Variants in COL5A3 observed in about 807,000 individuals in gnomAD.
COL5A3 encodes collagen type V alpha 3 chain, also known as collagen alpha-3(V) chain.
Under a neutral mutation model 250.0 loss-of-function variants are expected in COL5A3, and 172 were observed. The observed-to-expected ratio is 0.69, with a 90% CI of 0.61 to 0.78. The LOEUF (loss-of-function observed/expected upper bound fraction) is 0.78, where lower values mean the gene tolerates loss of function less well. COL5A3 is among the 30% of genes least tolerant of loss of function. COL5A3 has a pLI of 0.00. For missense variants in COL5A3, 2,340 were observed against 2,334.4 expected (o/e 1.00, Z -0.05); for synonymous variants, 937 against 900.4 (o/e 1.04, Z -0.73).
chr19:9,986,156 A>G lies in COL5A3; in HGVS notation c.2352+159T>C, dbSNP rs371978541. 2.6e-5 allele frequency among the ~76,000 whole-genome samples: 4 copies of G among 152,346 alleles called. 1 individual carries two copies. ...TTATGGATATGAACACATAAGTTGC[A>G]TGCATTAAATTGCTCTGTAATGCTG... On this transcript the variant is annotated intron_variant, in intron 30 of 66. Transcript: ENST00000264828.
chr19:9,964,854 TAAAAAAAAAAAAAAAAAAA>T (rs57037583), intron 64 of COL5A3, among the ~76,000 whole-genome samples: 1,344 of 48,838 alleles, frequency 0.028, 13 homozygotes, highest in East Asian at 0.091. Flanking sequence ...CCATCTCTAC[TAAAAAAAAAAAAAAAAAAA>T]AAAAAAAAAA....
intron 31 of COL5A3, among the ~76,000 whole-genome samples, chr19:9,983,458 A>G (rs942948406): frequency 2.0e-5 from 3 of 151,588 alleles, no homozygotes; most frequent in Non-Finnish European, 4.4e-5. Context: ...TGATCGCACT[A>G]TTGCACTCCA....
Position 9,967,383 on chromosome 19 carries a change from A to T in COL5A3, c.4422T>A (p.Arg1474=). The stretch of plus-strand genomic sequence containing the variant: ...GTGGGCCTGCAGGTCCAGTGTCTCC[A>T]CGGGGGCCCATGGACCCCTGTAGGG... The part of the protein sequence containing the change: ...SKGSPGSMGP[R]GDTGPAGPPG... Residue 1474 remains arginine (R), a synonymous_variant, in exon 62 of 67, where the codon CGT becomes CGA. Coordinates refer to ENST00000264828, the MANE Select transcript of COL5A3 (RefSeq NM_015719.4). 2 of 1,479,858 alleles carry T rather than the reference A, an allele frequency of 1.4e-6. No individual in the cohort carries two copies. The highest frequency in any genetic ancestry group is 1.7e-4 in the Middle Eastern group (1 of 5,752). 91.7% of individuals were successfully genotyped at this position (1,479,858 alleles called of 1,614,324 possible).
intron 44 of COL5A3, among the ~76,000 whole-genome samples, chr19:9,976,853 C>G (rs1053104365): frequency 2.0e-5 from 3 of 151,974 alleles, no homozygotes; most frequent in Non-Finnish European, 4.4e-5. Flanking sequence ...GAAGCTGGCT[C>G]AATGATGCAA....
intron 1 of COL5A3, among the ~76,000 whole-genome samples, chr19:10,010,019 C>T (rs1298122668): frequency 6.6e-6 from 1 of 152,186 alleles, no homozygotes; most frequent in African/African-American, 2.4e-5. Context: ...CAAATGCACA[C>T]ACATGCTACA....
chr19:10,010,274 C>A, intron 1 of COL5A3, 24 bp downstream of exon 1: 1 of 1,401,334 alleles, frequency 7.1e-7, no homozygotes, highest in Non-Finnish European at 9.3e-7. Flanking sequence ...GACCCTGGGT[C>A]CCATCTCTTC....
intron 32 of COL5A3, among the ~76,000 whole-genome samples, chr19:9,981,688 CAT>C (rs961145994): frequency 3.9e-5 from 6 of 152,348 alleles, no homozygotes; most frequent in South Asian, 2.1e-4. Flanking sequence ...GAAACACACA[CAT>C]GTGTATACAC....
intron 1 of COL5A3, among the ~76,000 whole-genome samples, chr19:10,008,223 G>A (rs187411647): frequency 1.2e-4 from 18 of 152,182 alleles, no homozygotes; most frequent in Admixed American, 7.9e-4. Flanking sequence ...CCCCTGACCC[G>A]CACCCTAACC....
At chr19:9,970,165 TG>T (rs1405548516) in intron 54 of COL5A3, among the ~76,000 whole-genome samples, 4 of 37,966 alleles carry the variant, frequency 1.1e-4, no homozygotes, top group South Asian at 8.8e-4. Flanking sequence ...GTCTGTGGGG[TG>T]AGTGGGGTCT....
rs199774264 is a variant in COL5A3 at position 9,967,993 on chromosome 19, C to A, written c.4368+33G>T. The A allele has an allele frequency of 4.1e-4, 654 of 1,596,936 alleles. 5 individuals carry two copies. In the South Asian group the frequency reaches 5.6e-3, roughly 14 times the overall value. ...GTCCTGGCCTGGACCACCACAGTGA[C>A]CTCATCCCACAAAAGATTCCCTGCA... On this transcript the variant is annotated intron_variant, in intron 60 of 66. Transcript: ENST00000264828.
In COL5A3 at chr19:10,009,161, G is replaced by GGTGTGTGTGTGTGT. The variant is rs4044577; in HGVS notation, c.88+1123_88+1136dup. On this transcript the variant is annotated intron_variant, in intron 1 of 66. Transcript: ENST00000264828. This position sits in a 1 kb window ranked among gnomAD's most constrained non-coding sequence, Gnocchi z 4.4. ...GACTCCAAAGTAAGAAGTGTGCTGTGGTGTGTGTGTGTGTGTGTGTGTGTG... is the reference window on the plus strand; with the variant it reads ...GACTCCAAAGTAAGAAGTGTGCTGTGGTGTGTGTGTGTGTGTGTGTGTGTGTGTGTGTGTGTGTG... Among the ~76,000 whole-genome samples, 2 of 140,346 alleles carry GGTGTGTGTGTGTGT rather than the reference G, an allele frequency of 1.4e-5. No individual in the cohort carries two copies. The highest frequency in any genetic ancestry group is 2.1e-4 in the East Asian group (1 of 4,742). The allele number at this position is 140,346 out of a possible 152,430, so 92.1% of individuals were successfully genotyped here. A position where few individuals can be genotyped will look rare whatever the true frequency, so the allele number is the denominator to read the frequency against.
At chr19:10,000,045 AC>A (rs1397749066) in intron 8 of COL5A3, among the ~76,000 whole-genome samples, 1 of 152,102 alleles carries the variant, frequency 6.6e-6, no homozygotes, top group Non-Finnish European at 1.5e-5. Context: ...GGTGTGAGCC[AC>A]CATACCTGGC....
Position 9,978,891 on chromosome 19 carries a change from CGGGTCCCCA to C in COL5A3, c.2955_2963del (p.Asp987_Gly989del). 1 of 1,465,908 alleles carries C rather than the reference CGGGTCCCCA, an allele frequency of 6.8e-7. No individual in the cohort carries two copies. 90.8% of individuals were successfully genotyped at this position (1,465,908 alleles called of 1,614,324 possible). A position where few individuals can be genotyped will look rare whatever the true frequency, so the allele number is the denominator to read the frequency against. ...CAGGAGGGTCTCCAAAGATACTCAC[CGGGTCCCCA>C]GGGCCCCCTTTGGGGCCGGGAAAGC... On this transcript the variant is annotated inframe_deletion and splice_region_variant, in exon 40 of 67. Transcript: ENST00000264828.
At chr19:9,983,608 G>A (rs112829724) in intron 31 of COL5A3, among the ~76,000 whole-genome samples, 1,490 of 100,580 alleles carry the variant, frequency 0.015, 66 homozygotes, top group African/African-American at 0.045. Context: ...AAGAGAAAGA[G>A]AGAGAGAGAG....
chr19:9,979,942 C>T (rs2086983434), intron 36 of COL5A3, 50 bp from the exon 37 acceptor site: 1 of 1,575,050 alleles, frequency 6.3e-7, no homozygotes, highest in Admixed American at 2.1e-5. Context: ...GGGCTTCCTC[C>T]CTTCCCACAT....
chr19:9,990,739 A>G (rs2087177436), intron 24 of COL5A3, among the ~76,000 whole-genome samples: 1 of 151,734 alleles, frequency 6.6e-6, no homozygotes, highest in East Asian at 1.9e-4. Flanking sequence ...ATTTTTTGGT[A>G]TTTTTAGTAG....
chr19:9,977,547 G>T (rs1190270297), intron 42 of COL5A3, 47 bp downstream of exon 42: 1 of 1,527,840 alleles, frequency 6.5e-7, no homozygotes, highest in Admixed American at 2.0e-5. Flanking sequence ...ATGTGGCAGG[G>T]CCAGACCCTG....
Position 9,994,533 on chromosome 19 carries a change from C to G in COL5A3, c.1588-727G>C, listed in dbSNP as rs111739063. Among the ~76,000 whole-genome samples the G allele has an allele frequency of 9.0e-3, 1,225 of 136,224 alleles. 18 individuals carry two copies. The highest frequency in any genetic ancestry group is 0.031 in the African/African-American group (1,144 of 37,126). The allele number at this position is 136,224 out of a possible 152,430, so 89.4% of individuals were successfully genotyped here. A position where few individuals can be genotyped will look rare whatever the true frequency, so the allele number is the denominator to read the frequency against. Reference sequence around the variant, plus strand: ...TGAGATGGCGTCTTGCTCTGTTGCCCAGGCTGGAGTTACATATATGTTTTA... The same window carrying G: ...TGAGATGGCGTCTTGCTCTGTTGCCGAGGCTGGAGTTACATATATGTTTTA... On this transcript the variant is annotated intron_variant, in intron 16 of 66. Coordinates refer to ENST00000264828, the MANE Select transcript of COL5A3 (RefSeq NM_015719.4).
chr19:9,975,299 T>C (rs1599540510), intron 45 of COL5A3, among the ~76,000 whole-genome samples: 1 of 152,000 alleles, frequency 6.6e-6, no homozygotes, highest in East Asian at 1.9e-4. Context: ...AGGCTGATAT[T>C]GAACTCCTGA....
Sources: gnomAD v4.1 joint callset for allele counts (sites outside exome capture counted in the v4.1 genomes callset) on GRCh38, gnomAD v4.1.1 for gene constraint, Gnocchi (gnomAD v3.1) non-coding constraint, MANE v1.5 for transcripts, NCBI Gene and HGNC (gene_info 2026-07-23, HGNC 2026-07-21) for gene names.